The following CSMD1 variants were observed in gnomAD, a reference collection of about 807,000 sequenced individuals.
CSMD1 encodes the protein CUB and Sushi multiple domains 1, also known as CUB and sushi domain-containing protein 1.
A neutral mutation model predicts 417.5 loss-of-function variants in CSMD1; 213 were observed. The observed-to-expected ratio is 0.51, with a 90% CI of 0.46 to 0.57. The LOEUF (loss-of-function observed/expected upper bound fraction) is 0.57. CSMD1 is among the 20% of genes least tolerant of loss of function. The probability of loss-of-function intolerance (pLI) is 0.00; values close to 1 mark genes in which losing one functional copy is unlikely to be tolerated. For synonymous variants in CSMD1, 2,862 were observed against 1,736.8 expected, an observed-to-expected ratio of 1.65 and a Z score of -16.11; for missense variants, 6,923 against 4,529.7, an observed-to-expected ratio of 1.53 and a Z score of -15.17.
chr8:3,417,593 G>T (rs143568277), intron 12 of CSMD1, among the ~76,000 whole-genome samples: 275 of 152,234 alleles, frequency 1.8e-3, no homozygotes, highest in African/African-American at 6.2e-3. Flanking sequence ...ACTACATGCG[G>T]GAAGTGTTAA....
At chr8:4,288,995 C>T (rs765809880) in intron 3 of CSMD1, among the ~76,000 whole-genome samples, 6 of 152,032 alleles carry the variant, frequency 3.9e-5, no homozygotes, top group Admixed American at 6.6e-5. Flanking sequence ...AATTTAAAAA[C>T]ACAGCACCAT....
chr8:3,090,587 G>A (rs1430760561), intron 48 of CSMD1, among the ~76,000 whole-genome samples: 1 of 152,072 alleles, frequency 6.6e-6, no homozygotes, highest in Non-Finnish European at 1.5e-5. Context: ...TTTTAACACT[G>A]TTTCCTGGTT....
At chr8:3,967,278 T>C (rs1054953746) in intron 5 of CSMD1, among the ~76,000 whole-genome samples, 1 of 150,580 alleles carries the variant, frequency 6.6e-6, no homozygotes, top group African/African-American at 2.4e-5. Flanking sequence ...CTCTCTATAC[T>C]GTTCTTGTTC....
At chr8:3,909,417 C>T (rs928746463) in intron 5 of CSMD1, among the ~76,000 whole-genome samples, 2 of 151,962 alleles carry the variant, frequency 1.3e-5, no homozygotes, top group Non-Finnish European at 2.9e-5. Flanking sequence ...TCAAGGGTGC[C>T]GAGGGCAGGA....
intron 42 of CSMD1, 135 bp downstream of exon 42, chr8:3,118,264 G>A: frequency 4.5e-6 from 3 of 666,056 alleles, no homozygotes; most frequent in Non-Finnish European, 7.5e-6. Flanking sequence ...TAAGTGGAGT[G>A]AGTAAAACAT....
chr8:3,354,498 T>C lies in CSMD1; in HGVS notation c.3304+4654A>G, dbSNP rs371358659. On this transcript the variant is annotated intron_variant, in intron 21 of 69. Coordinates refer to ENST00000635120, the MANE Select transcript of CSMD1 (RefSeq NM_033225.6). ...ACCTTTCTCCTTTAAACCAAGTTCA[T>C]TGTGTTCTACGCAACAAATAAGTAA... Among the ~76,000 whole-genome samples, 61 of 152,294 alleles carry C rather than the reference T, an allele frequency of 4.0e-4. 1 individual carries two copies. The highest frequency in any genetic ancestry group is 1.3e-3 in the African/African-American group (56 of 41,572).
intron 49 of CSMD1, among the ~76,000 whole-genome samples, chr8:3,069,989 G>C (rs1160064874): frequency 6.6e-6 from 1 of 152,208 alleles, no homozygotes; most frequent in Non-Finnish European, 1.5e-5. Context: ...AAGGTGTATG[G>C]CTTGCACCCT....
chr8:4,637,242 C>G (rs1247136593), intron 2 of CSMD1, 100 bp downstream of exon 2: 5 of 1,076,378 alleles, frequency 4.6e-6, no homozygotes, highest in South Asian at 1.5e-5. Context: ...CGGAAGGAAC[C>G]AACTCCGGAC....
At chr8:3,189,665 G>C (rs1002766674) in intron 34 of CSMD1, among the ~76,000 whole-genome samples, 1 of 151,324 alleles carries the variant, frequency 6.6e-6, no homozygotes, top group African/African-American at 2.4e-5. Flanking sequence ...CTTTAGAGTT[G>C]ATGGCCTACT....
intron 3 of CSMD1, among the ~76,000 whole-genome samples, chr8:4,203,727 C>T (rs895495699): frequency 6.6e-6 from 1 of 152,024 alleles, no homozygotes; most frequent in South Asian, 2.1e-4. Flanking sequence ...CACATCTGCA[C>T]ACATATGTAC....
intron 1 of CSMD1, among the ~76,000 whole-genome samples, chr8:4,646,948 T>G (rs1678361931): frequency 6.6e-6 from 1 of 152,156 alleles, no homozygotes; most frequent in African/African-American, 2.4e-5. Flanking sequence ...AAAAGAGATA[T>G]AAATGTCCAA....
Position 3,471,731 on chromosome 8 carries a change from G to T in CSMD1, c.1449-2907C>A, listed in dbSNP as rs111226193. Among the ~76,000 whole-genome samples, 5 of 129,732 alleles carry T rather than the reference G, an allele frequency of 3.9e-5. No homozygotes were observed. In the South Asian group the frequency reaches 1.2e-3, roughly 31 times the overall value. 85.1% of individuals were successfully genotyped at this position (129,732 alleles called of 152,430 possible). A position where few individuals can be genotyped will look rare whatever the true frequency, so the allele number is the denominator to read the frequency against. On this transcript the variant is annotated intron_variant, in intron 11 of 69. Transcript: ENST00000635120. ...TTCCTTCCTTCCTTCCTTGCTTTCTGTTATCATTCCCTAAGATAAGTGAAT... is the reference window on the plus strand; with the variant it reads ...TTCCTTCCTTCCTTCCTTGCTTTCTTTTATCATTCCCTAAGATAAGTGAAT...
At chr8:3,819,808 G>A (rs1020929344) in intron 5 of CSMD1, among the ~76,000 whole-genome samples, 3 of 152,088 alleles carry the variant, frequency 2.0e-5, no homozygotes, top group African/African-American at 7.2e-5. Flanking sequence ...GCCTCCCAAA[G>A]TACTGAGATT....
At chr8:4,914,693 G>A (rs992375976) in intron 1 of CSMD1, among the ~76,000 whole-genome samples, 4 of 151,940 alleles carry the variant, frequency 2.6e-5, no homozygotes, top group Admixed American at 1.3e-4. Flanking sequence ...AAATGAACTC[G>A]GAAAAGGAAA....
At chr8:4,326,905 G>C (rs1421401732) in intron 3 of CSMD1, among the ~76,000 whole-genome samples, 6 of 152,132 alleles carry the variant, frequency 3.9e-5, no homozygotes, top group African/African-American at 1.4e-4. Flanking sequence ...TGTATAGGAG[G>C]AAAAGTAAGT....
rs558629420 is a variant in CSMD1 at position 4,088,271 on chromosome 8, C to G, written c.416-56172G>C. 4.0e-3 allele frequency among the ~76,000 whole-genome samples: 602 copies of G among 152,344 alleles called. 2 individuals carry two copies. The highest frequency in any genetic ancestry group is 0.014 in the African/African-American group (583 of 41,588). ...AGTAGATTTGCGAGTCGTGTTCCCA[C>G]TTCTCAATTGCATGGCCATTGAATA... On this transcript the variant is annotated intron_variant, in intron 3 of 69. Transcript: ENST00000635120.
intron 7 of CSMD1, among the ~76,000 whole-genome samples, chr8:3,660,097 G>C (rs991728140): frequency 3.9e-5 from 6 of 152,178 alleles, no homozygotes; most frequent in African/African-American, 1.2e-4. Context: ...CCATCGTGAT[G>C]TATGTGGCTG....
intron 5 of CSMD1, among the ~76,000 whole-genome samples, chr8:3,959,639 T>G (rs1436146642): frequency 1.3e-5 from 2 of 152,346 alleles, no homozygotes; most frequent in South Asian, 4.1e-4. Flanking sequence ...TAATTTATGT[T>G]TTTGCCATGC....
chr8:4,317,480 T>A (rs1004340183), intron 3 of CSMD1, among the ~76,000 whole-genome samples: 1 of 152,206 alleles, frequency 6.6e-6, no homozygotes, highest in Non-Finnish European at 1.5e-5. Flanking sequence ...GTAAGGCATG[T>A]ACATGCACAA....
Sources: allele counts gnomAD v4.1 joint callset (sites outside exome capture counted in the v4.1 genomes callset), GRCh38; gene constraint gnomAD v4.1.1; transcripts MANE v1.5; gene names NCBI Gene and HGNC (gene_info 2026-07-23, HGNC 2026-07-21).